The following ARMC10 variants were observed in gnomAD, a reference collection of about 807,000 sequenced individuals.
The protein encoded by ARMC10 is armadillo repeat containing 10, also known as armadillo repeat-containing protein 10.
ARMC10 carries 23 observed loss-of-function variants against 30.2 expected under a neutral mutation model. The ratio of observed to expected loss-of-function variants is 0.76; its 90% CI spans 0.55 to 1.08. The LOEUF (loss-of-function observed/expected upper bound fraction) is 1.08, where lower values mean the gene tolerates loss of function less well. Ranked by LOEUF, ARMC10 falls within the 50% of genes least tolerant of loss-of-function variation. The pLI is 0.00. For synonymous variants in ARMC10, 111 were observed against 164.4 expected (o/e 0.68, Z 2.48); for missense variants, 303 against 413.7 (o/e 0.73, Z 2.32).
At chr7:103,082,991 GCTTTCCTTC>G (rs561469993) in intron 2 of ARMC10, 99 of 451,020 alleles carry the variant, frequency 2.2e-4, no homozygotes, top group African/African-American at 1.8e-3. Flanking sequence ...TACTCTCATA[GCTTTCCTTC>G]TATCTGATGT....
In ARMC10 at chr7:103,075,422, G is replaced by T; in HGVS notation, c.139+11G>T. ...CTTCGAAGTCCGCAGGTGGGACCCC[G>T]GGGTTTCCGGCAGGTGGGCGGGGAC... On this transcript the variant is annotated intron_variant, in intron 1 of 6. Coordinates refer to ENST00000323716, the MANE Select transcript of ARMC10 (RefSeq NM_031905.5). The T allele has an allele frequency of 7.8e-7, 1 of 1,289,724 alleles. No homozygotes were observed. Among genetic ancestry groups the T allele is most frequent in the Non-Finnish European group, 9.8e-7 (1 of 1,016,252 alleles). 79.9% of individuals were successfully genotyped at this position (1,289,724 alleles called of 1,614,324 possible).
Position 103,092,626 on chromosome 7 carries a change from GT to G in ARMC10, c.680del (p.Leu227TyrfsTer13). ...HSYITDLFQV[L>X]LTGNGNTKVQ... ...GTTACATTACAGACCTGTTCCAGGT[GT>G]TACTTACTGGAAATGGAAACACGAA... On this transcript the variant is annotated frameshift_variant, in exon 5 of 7. Coordinates refer to ENST00000323716, the MANE Select transcript of ARMC10 (RefSeq NM_031905.5). LOFTEE classifies it high-confidence loss of function. The G allele has an allele frequency of 6.3e-7, 1 of 1,578,236 alleles. No individual in the cohort carries two copies. Among genetic ancestry groups the G allele is most frequent in the Non-Finnish European group, 8.7e-7 (1 of 1,151,756 alleles).
At chr7:103,092,728 CCT>C in intron 5 of ARMC10, 75 bp downstream of exon 5, 1 of 1,088,046 alleles carries the variant, frequency 9.2e-7, no homozygotes, top group Non-Finnish European at 1.3e-6. Flanking sequence ...AGTTGATGTG[CCT>C]CAAAGAGGAA....
chr7:103,085,327 A>C (rs1212983876), intron 3 of ARMC10, among the ~76,000 whole-genome samples: 2 of 152,006 alleles, frequency 1.3e-5, no homozygotes, highest in Non-Finnish European at 2.9e-5. Context: ...GTAAAGGGAA[A>C]GTTTATTTCT....
intron 3 of ARMC10, among the ~76,000 whole-genome samples, chr7:103,086,395 A>G (rs1190544058): frequency 6.6e-6 from 1 of 152,200 alleles, no homozygotes; most frequent in Middle Eastern, 3.4e-3. Context: ...ATTTCTCAAC[A>G]TTGTAGTTTA....
chr7:103,079,295 G>C lies in ARMC10; in HGVS notation c.244+3414G>C, dbSNP rs151123725. ...CACATGATGACCTCATAATAAAAAG[G>C]CATTAAAATATTTCTTTCCATAGCT... On this transcript the variant is annotated intron_variant, in intron 2 of 6. Transcript: ENST00000323716. 8.6e-3 allele frequency among the ~76,000 whole-genome samples: 1,309 copies of C among 151,906 alleles called. 16 individuals carry two copies. The highest frequency in any genetic ancestry group is 0.018 in the South Asian group (88 of 4,808).
At chr7:103,087,419 G>C (rs1800953341) in intron 4 of ARMC10, among the ~76,000 whole-genome samples, 1 of 152,150 alleles carries the variant, frequency 6.6e-6, no homozygotes, top group Non-Finnish European at 1.5e-5. Context: ...TTTCAAAAAT[G>C]TTATTTATGA....
intron 5 of ARMC10, chr7:103,095,936 GGGTGGGGGGA>G (rs1801722947): frequency 6.7e-6 from 1 of 149,512 alleles, no homozygotes; most frequent in Non-Finnish European, 1.5e-5. Context: ...GACTGTTGTG[GGGTGGGGGGA>G]GGGGGGAGGG....
chr7:103,086,879 C>T (rs1585755157), intron 4 of ARMC10, 115 bp downstream of exon 4: 4 of 1,531,348 alleles, frequency 2.6e-6, no homozygotes, highest in Middle Eastern at 3.4e-4. Context: ...CCAAGGATTA[C>T]CTTTAGAGGA....
At chr7:103,081,927 A>G (rs558753439) in intron 2 of ARMC10, 40 of 456,628 alleles carry the variant, frequency 8.8e-5, no homozygotes, top group South Asian at 6.0e-4. Flanking sequence ...CTTACTTGTA[A>G]CTTTGATTTT....
chr7:103,082,058 G>A (rs4729868), intron 2 of ARMC10: 332,810 of 354,768 alleles, frequency 0.94, 159,822 homozygotes, highest in East Asian at 1. Flanking sequence ...AATTCTTTCC[G>A]TTCTAAAAAG....
At chr7:103,093,442 C>T (rs149578129) in intron 5 of ARMC10, among the ~76,000 whole-genome samples, 2 of 152,312 alleles carry the variant, frequency 1.3e-5, no homozygotes, top group East Asian at 3.9e-4. Flanking sequence ...GAGAGTCTTA[C>T]TGTAGTCCTG....
At position 103,082,955 on chromosome 7, in the gene ARMC10, A is replaced by G. The variant is rs115577791; in HGVS notation, c.245-727A>G. 8.5e-4 allele frequency: 351 copies of G among 414,278 alleles called. 1 individual carries two copies. Among genetic ancestry groups the G allele is most frequent in the African/African-American group, 6.9e-3 (334 of 48,646 alleles). The allele number at this position is 414,278 out of a possible 1,614,324, so 25.7% of individuals were successfully genotyped here. A position where few individuals can be genotyped will look rare whatever the true frequency, so the allele number is the denominator to read the frequency against. ...CATGCCTTGTATAAATCAAACAAAA[A>G]TGCCACACTAGCAACAAGATTGGTT... On this transcript the variant is annotated intron_variant, in intron 2 of 6. Transcript: ENST00000323716.
At chr7:103,090,728 T>TA (rs34277044) in intron 4 of ARMC10, among the ~76,000 whole-genome samples, 124,413 of 141,034 alleles carry the variant, frequency 0.88, 56,630 homozygotes, top group South Asian at 1. Flanking sequence ...AACCCATTTC[T>TA]AAAAAAAAAA....
At chr7:103,081,848 A>C (rs1019634667) in intron 2 of ARMC10, 1 of 456,584 alleles carries the variant, frequency 2.2e-6, no homozygotes, top group Non-Finnish European at 4.4e-6. Context: ...CTCTGGAGCC[A>C]GTTACAGTAT....
At position 103,098,599 on chromosome 7, in the gene ARMC10, A is replaced by G. The variant is rs1365877640; in HGVS notation, c.*46A>G. ...AGTAATGCAGTCTGGATATAAACGT[A>G]TTTTCTGTCTTCCTTATAAGGGGAT... is the stretch of plus-strand genomic sequence containing the variant. On this transcript the variant is annotated 3_prime_UTR_variant, in exon 7 of 7. Coordinates refer to ENST00000323716, the MANE Select transcript of ARMC10 (RefSeq NM_031905.5). 6.7e-7 allele frequency: 1 copy of G among 1,493,412 alleles called. No individual in the cohort carries two copies. Among genetic ancestry groups the G allele is most frequent in the Non-Finnish European group, 8.9e-7 (1 of 1,121,656 alleles). The allele number at this position is 1,493,412 out of a possible 1,614,324, so 92.5% of individuals were successfully genotyped here. A position where few individuals can be genotyped will look rare whatever the true frequency, so the allele number is the denominator to read the frequency against.
rs368326234 is a variant in ARMC10, at chr7:103,097,357, C to T, written c.777+9C>T. The T allele has an allele frequency of 2.5e-6, 4 of 1,581,972 alleles. No individual in the cohort carries two copies. Among genetic ancestry groups the T allele is most frequent in the Non-Finnish European group, 3.5e-6 (4 of 1,152,048 alleles). ...GACTTCTCCGTGCCCAAGTAAATAG[C>T]TTATATATTTATTTTGTAAATATAC... On this transcript the variant is annotated intron_variant, in intron 6 of 6. Transcript: ENST00000323716.
chr7:103,095,554 C>A (rs1407036318), intron 5 of ARMC10, among the ~76,000 whole-genome samples: 2 of 29,376 alleles, frequency 6.8e-5, no homozygotes, highest in Non-Finnish European at 3.2e-3. Context: ...TCCTTCCCAG[C>A]TCTAGTGAAG....
At chr7:103,085,411 CTT>C (rs1410567315) in intron 3 of ARMC10, among the ~76,000 whole-genome samples, 1 of 152,102 alleles carries the variant, frequency 6.6e-6, no homozygotes, top group Non-Finnish European at 1.5e-5. Context: ...TTTTGGCAGT[CTT>C]TTTCTTTTTT....
Sources: gnomAD v4.1 joint callset for allele counts (sites outside exome capture counted in the v4.1 genomes callset) on GRCh38, gnomAD v4.1.1 for gene constraint, MANE v1.5 for transcripts, NCBI Gene and HGNC (gene_info 2026-07-23, HGNC 2026-07-21) for gene names.